VIT: variants seen among roughly 807,000 people sequenced by gnomAD.
The protein encoded by VIT is vitrin.
In VIT, 99 loss-of-function variants were observed where a neutral mutation model predicts 78.0. The ratio of observed to expected loss-of-function variants is 1.27; its 90% CI spans 1.08 to 1.50. The LOEUF (loss-of-function observed/expected upper bound fraction) is 1.50. Ranked by LOEUF, VIT falls within the 40% of genes most tolerant of loss-of-function variation. The probability of loss-of-function intolerance (pLI) is 0.00; values close to 1 mark genes in which losing one functional copy is unlikely to be tolerated. For synonymous variants in VIT, 374 were observed against 334.3 expected (o/e 1.12, Z -1.29); for missense variants, 1,126 against 875.3 (o/e 1.29, Z -3.61).
In VIT at chr2:36,756,527, C is replaced by T. The variant is rs144249731; in HGVS notation, c.409+1473C>T. On this transcript the variant is annotated intron_variant, in intron 5 of 15. Coordinates refer to ENST00000379242, the MANE Select transcript of VIT (RefSeq NM_053276.4). ...GGCACCCCATGCCTCAAGCCCCTAC[C>T]GTCCTCCACTGATTAGAGTCGTTAG... Among the ~76,000 whole-genome samples the T allele has an allele frequency of 1.3e-3, 205 of 152,298 alleles. 2 individuals are homozygous for T. The highest frequency in any genetic ancestry group is 4.7e-3 in the African/African-American group (197 of 41,544).
chr2:36,769,232 C>A (rs2148590340), intron 7 of VIT, among the ~76,000 whole-genome samples: 1 of 152,282 alleles, frequency 6.6e-6, no homozygotes, highest in South Asian at 2.1e-4. Context: ...CTGTTTTCTC[C>A]TTAGAGGACT....
rs566898575 is a variant in VIT, at chr2:36,707,187, G to A, written c.-18-9166G>A. The stretch of plus-strand genomic sequence containing the variant: ...GCTGCCAGCCAAGTGAAAGGGAAAT[G>A]TATTATCTCACATAACAGACAGTCC... On this transcript the variant is annotated intron_variant, in intron 1 of 15. Coordinates refer to ENST00000379242, the MANE Select transcript of VIT (RefSeq NM_053276.4). 8.0e-4 allele frequency among the ~76,000 whole-genome samples: 122 copies of A among 152,284 alleles called. 1 individual carries two copies. Among genetic ancestry groups the A allele is most frequent in the Non-Finnish European group, 8.8e-4 (60 of 68,020 alleles).
chr2:36,712,560 C>CG (rs112594397), intron 1 of VIT, among the ~76,000 whole-genome samples: 18,076 of 152,122 alleles, frequency 0.12, 1,539 homozygotes, highest in South Asian at 0.27. Context: ...ATAATTTGGC[C>CG]GGGGGTGGTG....
At chr2:36,777,186 C>T (rs1347803118) in intron 9 of VIT, among the ~76,000 whole-genome samples, 1 of 147,618 alleles carries the variant, frequency 6.8e-6, no homozygotes, top group African/African-American at 2.4e-5. Flanking sequence ...TGAGAAAGTG[C>T]ACAGTTGTAA....
chr2:36,790,746 G>A (rs1272648283), intron 12 of VIT, among the ~76,000 whole-genome samples: 1 of 152,216 alleles, frequency 6.6e-6, no homozygotes, highest in Non-Finnish European at 1.5e-5. Context: ...GAAAGAGTCT[G>A]GTAATTGCTA....
At position 36,729,420 on chromosome 2, in the gene VIT, A is replaced by G. The variant is rs975799038; in HGVS notation, c.53-6A>G. On this transcript the variant is annotated splice_region_variant and splice_polypyrimidine_tract_variant and intron_variant, in intron 2 of 15. Coordinates refer to ENST00000379242, the MANE Select transcript of VIT (RefSeq NM_053276.4). Reference sequence around the variant, plus strand: ...GATTAAATTTTTAAAAATTTTCTTCATGTAGTTTTGCTGGTGACTGGAGTA... The same window carrying G: ...GATTAAATTTTTAAAAATTTTCTTCGTGTAGTTTTGCTGGTGACTGGAGTA... 10 of 1,594,786 alleles carry G rather than the reference A, an allele frequency of 6.3e-6. No individual in the cohort carries two copies. Among genetic ancestry groups the G allele is most frequent in the Admixed American group, 1.8e-5 (1 of 56,400 alleles).
chr2:36,723,979 AG>A (rs143310946), intron 2 of VIT, among the ~76,000 whole-genome samples: 119 of 99,474 alleles, frequency 1.2e-3, no homozygotes, highest in African/African-American at 2.0e-3. Context: ...AGGGGAGGGG[AG>A]GGGGGGGATT....
At chr2:36,726,743 C>T (rs752069345) in intron 2 of VIT, among the ~76,000 whole-genome samples, 3 of 145,122 alleles carry the variant, frequency 2.1e-5, no homozygotes, top group Non-Finnish European at 4.5e-5. Flanking sequence ...CACTTGAACC[C>T]GGGAGGCGGA....
intron 6 of VIT, among the ~76,000 whole-genome samples, chr2:36,766,046 G>A (rs1161256474): frequency 1.3e-5 from 2 of 152,210 alleles, no homozygotes; most frequent in South Asian, 2.1e-4. Context: ...GTCTCCCTGA[G>A]AACTCACAGT....
At chr2:36,728,834 A>AAAAAAAAAAAAG (rs761254776) in intron 2 of VIT, among the ~76,000 whole-genome samples, 6 of 146,778 alleles carry the variant, frequency 4.1e-5, no homozygotes, top group South Asian at 2.2e-4. Flanking sequence ...AAAAAAGAAA[A>AAAAAAAAAAAAG]AAGAAAAAAT....
intron 1 of VIT, among the ~76,000 whole-genome samples, chr2:36,700,319 G>T (rs1315271099): frequency 1.3e-5 from 2 of 152,128 alleles, no homozygotes; most frequent in African/African-American, 4.8e-5. Flanking sequence ...CCTGTGGTTT[G>T]CAGAAGACAG....
At chr2:36,743,325 G>A (rs1667952165) in intron 4 of VIT, 69 bp downstream of exon 4, 1 of 1,424,748 alleles carries the variant, frequency 7.0e-7, no homozygotes, top group Non-Finnish European at 9.3e-7. Flanking sequence ...CCCATGCAAG[G>A]TTGCCATATT....
chr2:36,811,644 ATTTAT>A (rs1667177617), intron 15 of VIT, among the ~76,000 whole-genome samples: 1 of 150,704 alleles, frequency 6.6e-6, no homozygotes, highest in African/African-American at 2.4e-5. Flanking sequence ...GGAAAACTAA[ATTTAT>A]TTTCTTTTTT....
chr2:36,776,982 G>A (rs1377682876), intron 9 of VIT, among the ~76,000 whole-genome samples: 7 of 149,888 alleles, frequency 4.7e-5, no homozygotes, highest in Non-Finnish European at 1.0e-4. Flanking sequence ...CCAGCTACTT[G>A]GGAGGCTGAG....
chr2:36,708,429 A>C (rs1259353633), intron 1 of VIT, among the ~76,000 whole-genome samples: 1 of 152,194 alleles, frequency 6.6e-6, no homozygotes, highest in East Asian at 1.9e-4. Flanking sequence ...TAAATCCTAC[A>C]TGTCTGCTAG....
chr2:36,805,600 T>A lies in VIT; in HGVS notation c.1325T>A (p.Ile442Asn), dbSNP rs1432297340. The change falls in exon 14 of 16, where the codon ATC becomes AAC. Residue 442 changes from isoleucine to asparagine, a missense_variant. Ile to Asn is a moderately radical substitution (Grantham distance 149, BLOSUM62 -3). Coordinates refer to ENST00000379242, the MANE Select transcript of VIT (RefSeq NM_053276.4). Reference protein sequence around the residue: ...ARESGINIFFITIEGAAENEK... With the variant: ...ARESGINIFFNTIEGAAENEK... ...GAGTCAGGAATCAACATTTTCTTCA[T>A]CACCATTGAAGGTGCTGCTGAAAAT... The A allele has an allele frequency of 6.2e-7, 1 of 1,614,124 alleles. No individual in the cohort carries two copies. Among genetic ancestry groups the A allele is most frequent in the South Asian group, 1.1e-5 (1 of 91,082 alleles).
chr2:36,811,820 C>T (rs1281813835), intron 15 of VIT, among the ~76,000 whole-genome samples: 2 of 151,886 alleles, frequency 1.3e-5, no homozygotes, highest in Non-Finnish European at 2.9e-5. Flanking sequence ...TTACAGGAAC[C>T]TGCCACCACA....
chr2:36,721,796 C>A (rs907332646), intron 2 of VIT, among the ~76,000 whole-genome samples: 1 of 152,200 alleles, frequency 6.6e-6, no homozygotes. Flanking sequence ...TCCCACCAAC[C>A]ATGCTATCCT....
chr2:36,766,838 C>T (rs1558553333), intron 6 of VIT, among the ~76,000 whole-genome samples: 2 of 152,162 alleles, frequency 1.3e-5, no homozygotes, highest in South Asian at 4.1e-4. Context: ...TCTGCCTTGT[C>T]TATGTTCTAT....
Sources: gnomAD v4.1 joint callset for allele counts (sites outside exome capture counted in the v4.1 genomes callset) on GRCh38, gnomAD v4.1.1 for gene constraint, MANE v1.5 for transcripts, NCBI Gene and HGNC (gene_info 2026-07-23, HGNC 2026-07-21) for gene names.